Variants in FNBP1 observed in about 807,000 individuals in gnomAD.
The protein encoded by FNBP1 is formin-binding protein 1.
A neutral mutation model predicts 90.6 loss-of-function variants in FNBP1; 26 were observed. That is an observed-to-expected ratio of 0.29 (90% CI 0.21 to 0.40). The LOEUF is 0.40. Ranked by LOEUF, FNBP1 falls within the 10% of genes least tolerant of loss-of-function variation. FNBP1 has a pLI of 1.00. For synonymous variants in FNBP1, 260 were observed against 265.2 expected (o/e 0.98, Z 0.19); for missense variants, 635 against 768.0 (o/e 0.83, Z 2.05).
chr9:130,008,471 T>C (rs989952634), intron 1 of FNBP1, among the ~76,000 whole-genome samples: 2 of 152,158 alleles, frequency 1.3e-5, no homozygotes, highest in Non-Finnish European at 2.9e-5. Context: ...AGTTATAAAA[T>C]TAGTCTTAGA....
At chr9:130,045,712 G>T (rs1000743904), upstream of FNBP1, among the ~76,000 whole-genome samples, 1 of 152,154 alleles carries the variant, frequency 6.6e-6, no homozygotes, top group African/African-American at 2.4e-5. Context: ...GAAAATGCTT[G>T]AAAGTGTCAG....
At chr9:130,026,995 T>C (rs1467561756) in intron 1 of FNBP1, among the ~76,000 whole-genome samples, 1 of 152,052 alleles carries the variant, frequency 6.6e-6, no homozygotes, top group African/African-American at 2.4e-5. Context: ...TTTTGTCTTT[T>C]GTTTTATATT....
intron 6 of FNBP1, among the ~76,000 whole-genome samples, chr9:129,943,337 T>A (rs2132390015): frequency 6.6e-6 from 1 of 152,220 alleles, no homozygotes; most frequent in South Asian, 2.1e-4. Flanking sequence ...TTTTATAATT[T>A]TTTTTCCTTT....
At position 129,957,041 on chromosome 9, in the gene FNBP1, T is replaced by TC. The variant is rs1250092743; in HGVS notation, c.513+318dup. ...AAAGACACACTTGAGCTTTCTTTTG[T>TC]CTTTTTTTTTTTTTGGCGATAGTTT... is the stretch of plus-strand genomic sequence containing the variant. On this transcript the variant is annotated intron_variant, in intron 6 of 16. Coordinates refer to ENST00000446176, the MANE Select transcript of FNBP1 (RefSeq NM_015033.3). The surrounding 1 kb of genome is among the most constrained non-coding windows in gnomAD (Gnocchi z 4.3). Among the ~76,000 whole-genome samples, 18 of 21,328 alleles carry TC rather than the reference T, an allele frequency of 8.4e-4. No homozygotes were observed. Among genetic ancestry groups the TC allele is most frequent in the Non-Finnish European group, 2.1e-3 (17 of 8,114 alleles). 14.0% of individuals were successfully genotyped at this position (21,328 alleles called of 152,430 possible). A position where few individuals can be genotyped will look rare whatever the true frequency, so the allele number is the denominator to read the frequency against.
chr9:129,903,126 A>G, intron 12 of FNBP1, 125 bp from the exon 13 acceptor site: 1 of 876,036 alleles, frequency 1.1e-6, no homozygotes, highest in Non-Finnish European at 1.7e-6. Flanking sequence ...ATCTTGGCTC[A>G]CTGCAACCTT....
intron 10 of FNBP1, among the ~76,000 whole-genome samples, chr9:129,920,014 G>A (rs1350103214): frequency 1.3e-5 from 2 of 152,166 alleles, no homozygotes; most frequent in Non-Finnish European, 2.9e-5. Context: ...GCACTGCTAT[G>A]TCCTAGAGGA....
At chr9:129,915,822 T>C (rs1293583468) in intron 11 of FNBP1, 144 bp downstream of exon 11, 5 of 622,326 alleles carry the variant, frequency 8.0e-6, no homozygotes, top group Non-Finnish European at 1.4e-5. Flanking sequence ...AGAAGTCTAA[T>C]AAGGAAACAC....
intron 6 of FNBP1, among the ~76,000 whole-genome samples, chr9:129,956,149 G>A (rs2046908525): frequency 6.6e-6 from 1 of 152,162 alleles, no homozygotes; most frequent in African/African-American, 2.4e-5. Flanking sequence ...CTAGGGGTAT[G>A]TGCCACAGCA....
chr9:129,924,053 A>G, intron 9 of FNBP1, 27 bp from the exon 10 acceptor site: 1 of 1,481,512 alleles, frequency 6.7e-7, no homozygotes, highest in Non-Finnish European at 8.9e-7. Flanking sequence ...GAGCCGTGAC[A>G]GAGTAAAAAT....
At chr9:129,924,048 G>A (rs371426745) in intron 9 of FNBP1, 22 bp from the exon 10 acceptor site, 56 of 1,483,178 alleles carry the variant, frequency 3.8e-5, no homozygotes, top group South Asian at 1.7e-4. Flanking sequence ...AGATGGAGCC[G>A]TGACAGAGTA....
intron 4 of FNBP1, among the ~76,000 whole-genome samples, chr9:129,961,806 G>T (rs1050966466): frequency 3.9e-5 from 6 of 152,136 alleles, no homozygotes; most frequent in Non-Finnish European, 7.4e-5. Context: ...GGCTGGTCTC[G>T]AACTCCCGGC....
At chr9:129,920,903 C>T (rs1188679772) in intron 10 of FNBP1, among the ~76,000 whole-genome samples, 1 of 152,036 alleles carries the variant, frequency 6.6e-6, no homozygotes, top group Non-Finnish European at 1.5e-5. Context: ...GCAAAAACAC[C>T]CTTGTCTTGG....
At chr9:129,991,395 C>G (rs370353597) in intron 2 of FNBP1, among the ~76,000 whole-genome samples, 161 of 151,776 alleles carry the variant, frequency 1.1e-3, no homozygotes, top group African/African-American at 3.8e-3. Context: ...CTCAGCCTCT[C>G]AAGTAGCTGG....
rs777007991 is a variant in FNBP1 at position 129,979,341 on chromosome 9, GTTC to G, written c.171_173del (p.Lys57del). On this transcript the variant is annotated inframe_deletion, in exon 3 of 17. Coordinates refer to ENST00000446176, the MANE Select transcript of FNBP1 (RefSeq NM_015033.3). The stretch of plus-strand genomic sequence containing the variant: ...ACTTGTATTCTTCTTCCTCCTTCGA[GTTC>G]TTTTTAGGTTGGTACTTCTTTGAAA... 26 of 1,607,002 alleles carry G rather than the reference GTTC, an allele frequency of 1.6e-5. No homozygotes were observed. The highest frequency in any genetic ancestry group is 2.2e-5 in the Non-Finnish European group (26 of 1,174,488).
At chr9:130,033,280 G>A (rs760259897) in intron 1 of FNBP1, among the ~76,000 whole-genome samples, 5 of 152,108 alleles carry the variant, frequency 3.3e-5, no homozygotes, top group African/African-American at 7.2e-5. Context: ...GGACTTGCCC[G>A]ATACTAATAA....
At chr9:129,903,813 G>A (rs1424530181) in intron 12 of FNBP1, among the ~76,000 whole-genome samples, 11 of 152,100 alleles carry the variant, frequency 7.2e-5, no homozygotes, top group Non-Finnish European at 1.5e-4. Flanking sequence ...TTACAGGCAT[G>A]AGCCACCGAA....
At chr9:130,008,213 G>A (rs1163764063) in intron 1 of FNBP1, among the ~76,000 whole-genome samples, 2 of 151,760 alleles carry the variant, frequency 1.3e-5, no homozygotes, top group African/African-American at 2.4e-5. Flanking sequence ...GCTGGGTGTG[G>A]TGTCATGCGC....
At chr9:130,016,863 GT>G (rs1244514065) in intron 1 of FNBP1, among the ~76,000 whole-genome samples, 3 of 152,224 alleles carry the variant, frequency 2.0e-5, no homozygotes, top group Non-Finnish European at 4.4e-5. Context: ...AGTTTATTAT[GT>G]TGGGTTTCAG....
rs1199029888 is a variant in FNBP1, at chr9:129,965,706, G to GCACACA, written c.346-7154_346-7153insTGTGTG. On this transcript the variant is annotated intron_variant, in intron 4 of 16. Coordinates refer to ENST00000446176, the MANE Select transcript of FNBP1 (RefSeq NM_015033.3). Reference sequence around the variant, plus strand: ...AAAACACACACACACACGCGCGCGCGCGCACACACACACACACATAGAAAG... The same window carrying GCACACA: ...AAAACACACACACACACGCGCGCGCGCACACACGCACACACACACACACATAGAAAG... Among the ~76,000 whole-genome samples, 12 of 110,964 alleles carry GCACACA rather than the reference G, an allele frequency of 1.1e-4. No individual in the cohort carries two copies. In the South Asian group the frequency reaches 1.3e-3, roughly 12 times the overall value. The allele number at this position is 110,964 out of a possible 152,430, so 72.8% of individuals were successfully genotyped here.
Sources: allele counts gnomAD v4.1 joint callset (sites outside exome capture counted in the v4.1 genomes callset), GRCh38; gene constraint gnomAD v4.1.1; non-coding constraint Gnocchi (gnomAD v3.1); transcripts MANE v1.5; gene names NCBI Gene and HGNC (gene_info 2026-07-23, HGNC 2026-07-21).